The following MAP4 variants were observed in gnomAD, a reference collection of about 807,000 sequenced individuals.
MAP4 encodes microtubule-associated protein 4.
A neutral mutation model predicts 170.2 loss-of-function variants in MAP4; 76 were observed. The ratio of observed to expected loss-of-function variants is 0.45; its 90% CI spans 0.37 to 0.54. The LOEUF (loss-of-function observed/expected upper bound fraction) is 0.54, where lower values mean the gene tolerates loss of function less well. Ranked by LOEUF, MAP4 falls within the 20% of genes least tolerant of loss-of-function variation. The pLI, the probability that MAP4 is intolerant of heterozygous loss-of-function variation, is 0.00. For missense variants in MAP4, 2,506 were observed against 2,748.0 expected, an observed-to-expected ratio of 0.91 and a Z score of 1.97; for synonymous variants, 909 against 994.5, an observed-to-expected ratio of 0.91 and a Z score of 1.62.
rs143984233 is a variant in MAP4, at chr3:47,935,792, C to G, written c.293-7442G>C. Reference sequence around the variant, plus strand: ...TCTCTACTAAAAATACAAAAATTAGCCGGGGGTGTGGTGACGTATGTCTGT... The same window carrying G: ...TCTCTACTAAAAATACAAAAATTAGGCGGGGGTGTGGTGACGTATGTCTGT... On this transcript the variant is annotated intron_variant, in intron 3 of 20. Transcript: ENST00000683076. 3.0e-3 allele frequency among the ~76,000 whole-genome samples: 448 copies of G among 151,416 alleles called. 2 individuals are homozygous for G. Among genetic ancestry groups the G allele is most frequent in the Admixed American group, 4.6e-3 (70 of 15,192 alleles).
chr3:47,949,403 T>C (rs1044117873), intron 3 of MAP4, among the ~76,000 whole-genome samples: 3 of 146,072 alleles, frequency 2.1e-5, no homozygotes, highest in African/African-American at 5.1e-5. Flanking sequence ...GAGGCGGGGG[T>C]TGCAGTGAGC....
intron 1 of MAP4, among the ~76,000 whole-genome samples, chr3:48,087,209 G>A (rs1375060437): frequency 1.3e-5 from 2 of 152,222 alleles, no homozygotes; most frequent in Non-Finnish European, 2.9e-5. Flanking sequence ...CCTGAAGAGA[G>A]ATGTCCCAAT....
At chr3:48,013,222 A>T (rs2100106184) in intron 1 of MAP4, among the ~76,000 whole-genome samples, 1 of 152,140 alleles carries the variant, frequency 6.6e-6, no homozygotes, top group South Asian at 2.1e-4. Flanking sequence ...TATGGATAAA[A>T]GGATATGACA....
At chr3:47,904,379 G>A (rs957817584) in intron 9 of MAP4, among the ~76,000 whole-genome samples, 8 of 151,974 alleles carry the variant, frequency 5.3e-5, no homozygotes, top group East Asian at 1.9e-4. Context: ...GCAGTGGTGC[G>A]ATCTTGGCTC....
chr3:47,995,313 C>T (rs867884542), intron 2 of MAP4, among the ~76,000 whole-genome samples: 5 of 148,432 alleles, frequency 3.4e-5, no homozygotes, highest in Admixed American at 2.0e-4. Flanking sequence ...TGCAGTGGCA[C>T]GCTCTCCACT....
intron 10 of MAP4, among the ~76,000 whole-genome samples, chr3:47,888,903 T>C (rs2152976962): frequency 6.6e-6 from 1 of 152,330 alleles, no homozygotes; most frequent in Middle Eastern, 3.4e-3. Context: ...AAGAAGGCTA[T>C]GGGACCTGGT....
At chr3:47,914,172 G>A (rs745613573) in intron 8 of MAP4, among the ~76,000 whole-genome samples, 2 of 152,150 alleles carry the variant, frequency 1.3e-5, no homozygotes, top group Non-Finnish European at 2.9e-5. Flanking sequence ...CTGAGATATA[G>A]GCAAGTTATG....
intron 1 of MAP4, among the ~76,000 whole-genome samples, chr3:48,005,845 C>G (rs1005281104): frequency 6.6e-6 from 1 of 152,182 alleles, no homozygotes; most frequent in Non-Finnish European, 1.5e-5. Flanking sequence ...ATGGTGAGAA[C>G]CGCAGTCACT....
At chr3:48,068,481 G>A (rs536598064) in intron 1 of MAP4, among the ~76,000 whole-genome samples, 28 of 151,952 alleles carry the variant, frequency 1.8e-4, no homozygotes, top group South Asian at 1.2e-3. Flanking sequence ...TGATTCTCCC[G>A]CCTCTGCTTC....
At chr3:48,080,416 T>C (rs1226855426) in intron 1 of MAP4, among the ~76,000 whole-genome samples, 2 of 152,204 alleles carry the variant, frequency 1.3e-5, no homozygotes, top group Non-Finnish European at 2.9e-5. Context: ...CTGCTGAAAG[T>C]ATTTTTTTTA....
In MAP4 at chr3:47,852,880, G is replaced by GC; in HGVS notation, c.*53dup. 1 of 1,586,816 alleles carries GC rather than the reference G, an allele frequency of 6.3e-7. No individual in the cohort carries two copies. Among genetic ancestry groups the GC allele is most frequent in the Middle Eastern group, 1.7e-4 (1 of 6,022 alleles). ...GTGTGGGGGGCGGGAGACAATGTCG[G>GC]CCCCGTGGTCGGTGCGGGCCCTGGC... On this transcript the variant is annotated 3_prime_UTR_variant, in exon 21 of 21. Transcript: ENST00000683076.
rs1439925220 is a variant in MAP4, at chr3:47,916,284, C to T, written c.1543G>A (p.Ala515Thr). ...DMSPLSETEM[A>T]LGKDVTPPPE... Reference sequence around the variant, plus strand: ...GGTGGAGTCACATCCTTGCCCAGAGCCATTTCTGTTTCTGATAGTGGAGAC... The same window carrying T: ...GGTGGAGTCACATCCTTGCCCAGAGTCATTTCTGTTTCTGATAGTGGAGAC... Residue 515 changes from alanine (A) to threonine (T), a missense_variant, in exon 7 of 21, where the codon GCT (alanine) becomes ACT (threonine). By Grantham distance (58) the Ala-to-Thr change is moderately conservative. Transcript: ENST00000683076. 2 of 1,614,196 alleles carry T rather than the reference C, an allele frequency of 1.2e-6. No individual in the cohort carries two copies. The highest frequency in any genetic ancestry group is 2.2e-5 in the South Asian group (2 of 91,082).
upstream of MAP4, among the ~76,000 whole-genome samples, chr3:48,018,548 C>T (rs1348569151): frequency 6.6e-6 from 1 of 152,064 alleles, no homozygotes; most frequent in African/African-American, 2.4e-5. Flanking sequence ...CTTGTAATCC[C>T]AGCACTCAGC....
chr3:48,044,311 C>A (rs1038675885), intron 1 of MAP4, among the ~76,000 whole-genome samples: 30 of 151,034 alleles, frequency 2.0e-4, no homozygotes, highest in Admixed American at 1.3e-3. Context: ...CCCGCCACCA[C>A]GCCCGGCTAA....
At chr3:47,938,290 C>T (rs777923186) in intron 3 of MAP4, among the ~76,000 whole-genome samples, 28 of 152,068 alleles carry the variant, frequency 1.8e-4, no homozygotes, top group Non-Finnish European at 3.2e-4. Flanking sequence ...ATTGTTTGAA[C>T]CTGGGAGGTG....
At chr3:47,897,415 T>C (rs373992869) in intron 10 of MAP4, among the ~76,000 whole-genome samples, 1 of 152,116 alleles carries the variant, frequency 6.6e-6, no homozygotes, top group African/African-American at 2.4e-5. Flanking sequence ...CTGTGGGCAT[T>C]GCGCTCGGCC....
At chr3:48,056,510 G>A (rs1259649930) in intron 1 of MAP4, among the ~76,000 whole-genome samples, 10 of 76,942 alleles carry the variant, frequency 1.3e-4, no homozygotes, top group South Asian at 4.6e-4. Context: ...CCCTCCCCCC[G>A]GCCAGCCGCC....
intron 1 of MAP4, among the ~76,000 whole-genome samples, chr3:48,087,749 A>ACACG (rs1553761052): frequency 2.6e-5 from 3 of 116,352 alleles, no homozygotes; most frequent in Non-Finnish European, 5.2e-5. Flanking sequence ...GCACGCGCAC[A>ACACG]CACACACACA....
chr3:48,085,337 G>C lies in MAP4; in HGVS notation c.-20+3436C>G, dbSNP rs1014498816. ...GATTAGGAAGAACAAGACACTATGA[G>C]ATTAGGAAGAATCTACTCTCTGACT... On this transcript the variant is annotated intron_variant, in intron 1 of 18. Transcript: ENST00000360240. Among the ~76,000 whole-genome samples, 9 of 152,100 alleles carry C rather than the reference G, an allele frequency of 5.9e-5. No individual in the cohort carries two copies. The East Asian group carries it at 1.7e-3, about 29-fold the overall frequency.
Sources: gnomAD v4.1 joint callset for allele counts (sites outside exome capture counted in the v4.1 genomes callset) on GRCh38, gnomAD v4.1.1 for gene constraint, MANE v1.5 for transcripts, NCBI Gene and HGNC (gene_info 2026-07-23, HGNC 2026-07-21) for gene names.